The following CNTN4 variants were observed in gnomAD, a reference collection of about 807,000 sequenced individuals.
The protein encoded by CNTN4 is contactin 4, also known as contactin-4.
A neutral mutation model predicts 122.5 loss-of-function variants in CNTN4; 77 were observed. The ratio of observed to expected loss-of-function variants is 0.63; its 90% CI spans 0.52 to 0.76. CNTN4 has a LOEUF of 0.76. Among genes scored for constraint, CNTN4 ranks in the 30% least tolerant of loss-of-function variants. The probability of loss-of-function intolerance (pLI) is 0.00; values close to 1 mark genes in which losing one functional copy is unlikely to be tolerated. For missense variants in CNTN4, 1,256 were observed against 1,259.1 expected, an observed-to-expected ratio of 1.00 and a Z score of 0.04; for synonymous variants, 512 against 447.0, an observed-to-expected ratio of 1.15 and a Z score of -1.83.
chr3:2,819,041 C>T (rs560222134), intron 6 of CNTN4, among the ~76,000 whole-genome samples: 5 of 152,230 alleles, frequency 3.3e-5, no homozygotes, highest in Non-Finnish European at 5.9e-5. Flanking sequence ...TATTTAAATA[C>T]AGAGAGGTCT....
intron 6 of CNTN4, among the ~76,000 whole-genome samples, chr3:2,796,339 C>G (rs567635141): frequency 2.0e-5 from 3 of 152,160 alleles, no homozygotes; most frequent in South Asian, 4.1e-4. Flanking sequence ...AGTTGAAGCA[C>G]TCATCAGTAT....
chr3:2,536,706 G>A (rs1422312767), intron 3 of CNTN4, among the ~76,000 whole-genome samples: 2 of 151,516 alleles, frequency 1.3e-5, no homozygotes, highest in East Asian at 3.9e-4. Context: ...TTACAGGCAT[G>A]AGCCACAAGC....
intron 3 of CNTN4, among the ~76,000 whole-genome samples, chr3:2,562,856 T>G (rs1334608828): frequency 6.6e-6 from 1 of 152,098 alleles, no homozygotes; most frequent in Non-Finnish European, 1.5e-5. Context: ...CACAAGTAAC[T>G]GGGGCTAAAG....
chr3:2,520,860 A>G (rs934774772), intron 3 of CNTN4, among the ~76,000 whole-genome samples: 6 of 152,118 alleles, frequency 3.9e-5, no homozygotes, highest in Admixed American at 3.9e-4. Context: ...ACTGGCCTAT[A>G]TTTATTAATT....
chr3:2,472,153 CAAA>C (rs570896250), intron 3 of CNTN4, among the ~76,000 whole-genome samples: 1,059 of 90,998 alleles, frequency 0.012, 19 homozygotes, highest in African/African-American at 0.04. Context: ...AATTCCATCT[CAAA>C]AAAAAAAAAA....
chr3:2,213,011 C>G (rs1027804219), intron 2 of CNTN4, among the ~76,000 whole-genome samples: 3 of 152,076 alleles, frequency 2.0e-5, no homozygotes, highest in Admixed American at 6.5e-5. Flanking sequence ...ATGAATTTTT[C>G]ATTTTTAAAC....
At chr3:2,955,044 C>T (rs542838514) in intron 13 of CNTN4, among the ~76,000 whole-genome samples, 45 of 152,240 alleles carry the variant, frequency 3.0e-4, no homozygotes, top group African/African-American at 1.1e-3. Flanking sequence ...TCTGGCAGCG[C>T]AACCTCATTT....
intron 3 of CNTN4, among the ~76,000 whole-genome samples, chr3:2,398,671 A>T (rs2046729157): frequency 1.3e-5 from 2 of 152,176 alleles, no homozygotes; most frequent in Non-Finnish European, 2.9e-5. Context: ...CAGTATTAAA[A>T]CAAAATTATC....
chr3:2,294,442 A>G (rs1290841258), intron 2 of CNTN4, among the ~76,000 whole-genome samples: 4 of 152,018 alleles, frequency 2.6e-5, no homozygotes, highest in Admixed American at 2.0e-4. Context: ...TCCAGCCTGG[A>G]CAACATGGCG....
chr3:2,811,415 A>AG (rs1317309623), intron 6 of CNTN4, among the ~76,000 whole-genome samples: 1 of 151,214 alleles, frequency 6.6e-6, no homozygotes. Context: ...GTCAAAAAAA[A>AG]AAAAAAAGTT....
chr3:2,569,011 G>C (rs138263405), intron 3 of CNTN4, among the ~76,000 whole-genome samples: 14 of 152,246 alleles, frequency 9.2e-5, no homozygotes, highest in African/African-American at 2.6e-4. Flanking sequence ...ATTTGCTTAA[G>C]ACATTAATAG....
At position 3,056,981 on chromosome 3, in the gene CNTN4, C is replaced by T. The variant is rs888245395; in HGVS notation, c.*761C>T. The stretch of plus-strand genomic sequence containing the variant: ...ACAGGAAGATTTTCTTTTCACTCAA[C>T]TGAGTTAGCATTGTCTTTGTGGTAG... On this transcript the variant is annotated 3_prime_UTR_variant, in exon 25 of 25. Coordinates refer to ENST00000418658, the MANE Select transcript of CNTN4 (RefSeq NM_175607.3). 2.6e-5 allele frequency: 4 copies of T among 152,590 alleles called. No individual in the cohort carries two copies. Among genetic ancestry groups the T allele is most frequent in the Non-Finnish European group, 1.5e-5 (1 of 68,034 alleles). 9.5% of individuals were successfully genotyped at this position (152,590 alleles called of 1,614,324 possible).
intron 6 of CNTN4, among the ~76,000 whole-genome samples, chr3:2,770,088 G>A (rs1429727041): frequency 6.6e-6 from 1 of 150,406 alleles, no homozygotes; most frequent in African/African-American, 2.5e-5. Context: ...GGAGTGCAAT[G>A]GCGTGATCTC....
chr3:2,935,082 C>T (rs2094556564), intron 13 of CNTN4, among the ~76,000 whole-genome samples: 1 of 152,168 alleles, frequency 6.6e-6, no homozygotes, highest in Non-Finnish European at 1.5e-5. Flanking sequence ...GCCCAGTCCT[C>T]TGGGAGACCC....
chr3:2,951,871 T>C (rs2094749245), intron 13 of CNTN4, among the ~76,000 whole-genome samples: 1 of 152,226 alleles, frequency 6.6e-6, no homozygotes, highest in South Asian at 2.1e-4. Context: ...GATTTTAACC[T>C]TCAAACTAGC....
intron 3 of CNTN4, among the ~76,000 whole-genome samples, chr3:2,550,483 T>C (rs577471663): frequency 3.5e-4 from 53 of 152,252 alleles, no homozygotes; most frequent in East Asian, 1.5e-3. Flanking sequence ...GAAATAGGAA[T>C]GCTTTTACAC....
At chr3:2,726,985 A>C (rs2088275804) in intron 4 of CNTN4, among the ~76,000 whole-genome samples, 1 of 152,032 alleles carries the variant, frequency 6.6e-6, no homozygotes, top group African/African-American at 2.4e-5. Context: ...ACTGCTCTGA[A>C]AAAATAAAGT....
intron 4 of CNTN4, among the ~76,000 whole-genome samples, chr3:2,674,770 A>T (rs1423498312): frequency 7.7e-6 from 1 of 130,342 alleles, no homozygotes; most frequent in Non-Finnish European, 1.6e-5. Flanking sequence ...AAAACAAACA[A>T]ACAAAAAAAC....
At chr3:2,910,363 C>T (rs995819324) in intron 12 of CNTN4, among the ~76,000 whole-genome samples, 10 of 152,188 alleles carry the variant, frequency 6.6e-5, no homozygotes, top group African/African-American at 2.4e-4. Context: ...ATATCTGAAT[C>T]TTCTGTAAAA....
Sources: gnomAD v4.1 joint callset for allele counts (sites outside exome capture counted in the v4.1 genomes callset) on GRCh38, gnomAD v4.1.1 for gene constraint, MANE v1.5 for transcripts, NCBI Gene and HGNC (gene_info 2026-07-23, HGNC 2026-07-21) for gene names.